The following SHC4 variants were observed in gnomAD, a reference collection of about 807,000 sequenced individuals.
SHC4 encodes SHC-transforming protein 4.
SHC4 carries 41 observed loss-of-function variants against 69.4 expected under a neutral mutation model. The observed-to-expected ratio is 0.59, with a 90% CI of 0.46 to 0.77. SHC4 has a LOEUF of 0.77. Ranked by LOEUF, SHC4 falls within the 30% of genes least tolerant of loss-of-function variation. The pLI is 0.00. For missense variants in SHC4, 777 were observed against 783.8 expected (o/e 0.99, Z 0.10); for synonymous variants, 318 against 299.3 (o/e 1.06, Z -0.64).
intron 3 of SHC4, 68 bp downstream of exon 3, chr15:48,890,680 C>T (rs1293532741): frequency 6.3e-7 from 1 of 1,582,290 alleles, no homozygotes; most frequent in Non-Finnish European, 8.7e-7. Context: ...GATGAACGAA[C>T]AGCGATTTTC....
rs35360931 is a variant in SHC4, at chr15:48,896,360, G to C, written c.657-5549C>G. Among the ~76,000 whole-genome samples, 566 of 143,258 alleles carry C rather than the reference G, an allele frequency of 4.0e-3. 10 individuals carry two copies. The highest frequency in any genetic ancestry group is 0.032 in the East Asian group (157 of 4,904). 94.0% of individuals were successfully genotyped at this position (143,258 alleles called of 152,430 possible). A position where few individuals can be genotyped will look rare whatever the true frequency, so the allele number is the denominator to read the frequency against. On this transcript the variant is annotated intron_variant, in intron 2 of 11. Transcript: ENST00000332408. ...TTTTGAGACGGAGTCTCACTCTGTC[G>C]GCCAGGCTGGAGTTCAATGGCATGA...
At chr15:48,829,964 T>C (rs1362483359) in intron 11 of SHC4, among the ~76,000 whole-genome samples, 1 of 152,172 alleles carries the variant, frequency 6.6e-6, no homozygotes, top group Non-Finnish European at 1.5e-5. Context: ...ATAGATAGCA[T>C]GTAGTTGGAG....
intron 4 of SHC4, among the ~76,000 whole-genome samples, chr15:48,881,084 G>A (rs991943939): frequency 4.6e-5 from 7 of 151,514 alleles, no homozygotes; most frequent in Non-Finnish European, 2.9e-5. Context: ...CAAGGTAGGG[G>A]ATTTAAAGAA....
In SHC4 at chr15:48,907,814, ATGTG is replaced by A. The variant is rs60841488; in HGVS notation, c.657-17007_657-17004del. Among the ~76,000 whole-genome samples, 344 of 145,058 alleles carry A rather than the reference ATGTG, an allele frequency of 2.4e-3. 1 individual carries two copies. The highest frequency in any genetic ancestry group is 4.8e-3 in the Admixed American group (69 of 14,384). The stretch of plus-strand genomic sequence containing the variant: ...CGGTCATAAAAAGGAATGAATGAAT[ATGTG>A]TGTGTGTGTGTGTGTGTGTGTGTAT... On this transcript the variant is annotated intron_variant, in intron 2 of 11. Transcript: ENST00000332408.
intron 9 of SHC4, among the ~76,000 whole-genome samples, chr15:48,844,403 T>A (rs12902820): frequency 0.046 from 7,015 of 152,264 alleles, 244 homozygotes; most frequent in Non-Finnish European, 0.067. Flanking sequence ...CCCTTCTTCC[T>A]CTCTCCTCCC....
chr15:48,886,349 C>T lies in SHC4; in HGVS notation c.721-1982G>A, dbSNP rs16961804. ...TTTTGTTATCTGTAAAGAACTTTTACGTAAATCATCTTAATTTTGTTCTCA... is the reference window on the plus strand; with the variant it reads ...TTTTGTTATCTGTAAAGAACTTTTATGTAAATCATCTTAATTTTGTTCTCA... On this transcript the variant is annotated intron_variant, in intron 3 of 11. Transcript: ENST00000332408. Among the ~76,000 whole-genome samples, 1,312 of 152,216 alleles carry T rather than the reference C, an allele frequency of 8.6e-3. 23 individuals carry two copies. Among genetic ancestry groups the T allele is most frequent in the African/African-American group, 0.03 (1,250 of 41,528 alleles).
chr15:48,841,173 C>T (rs1898982249), intron 10 of SHC4, among the ~76,000 whole-genome samples: 1 of 152,224 alleles, frequency 6.6e-6, no homozygotes, highest in South Asian at 2.1e-4. Context: ...CTAATTTGGG[C>T]CACCCACTAA....
At chr15:48,917,116 G>C (rs1304069311) in intron 2 of SHC4, among the ~76,000 whole-genome samples, 1 of 152,092 alleles carries the variant, frequency 6.6e-6, no homozygotes, top group Non-Finnish European at 1.5e-5. Flanking sequence ...TTTGATGCAG[G>C]TTCCCACCTA....
At chr15:48,956,086 C>A (rs1281775210) in intron 1 of SHC4, among the ~76,000 whole-genome samples, 1 of 152,168 alleles carries the variant, frequency 6.6e-6, no homozygotes, top group African/African-American at 2.4e-5. Flanking sequence ...ACCTGCCAGG[C>A]TTTCTCTAAG....
chr15:48,878,545 A>C (rs538774168), intron 4 of SHC4: 1 of 1,614,094 alleles, frequency 6.2e-7, no homozygotes, highest in Admixed American at 1.7e-5. Flanking sequence ...CCGGCTACAG[A>C]GTATCAGCCG....
intron 2 of SHC4, among the ~76,000 whole-genome samples, chr15:48,896,396 C>G (rs936340975): frequency 1.3e-5 from 2 of 151,514 alleles, no homozygotes; most frequent in African/African-American, 4.9e-5. Flanking sequence ...TCTCAGCTCA[C>G]TGCAACCTCC....
chr15:48,873,901 A>G (rs1899744489), intron 4 of SHC4, among the ~76,000 whole-genome samples: 1 of 152,236 alleles, frequency 6.6e-6, no homozygotes, highest in Admixed American at 6.5e-5. Context: ...AGAAAGATAT[A>G]TATCACTCTC....
At chr15:48,865,783 A>T (rs1899548013) in intron 6 of SHC4, among the ~76,000 whole-genome samples, 1 of 152,154 alleles carries the variant, frequency 6.6e-6, no homozygotes, top group Non-Finnish European at 1.5e-5. Flanking sequence ...TGCCTTCTCA[A>T]AATCCCCAAG....
chr15:48,892,863 C>CAAA (rs11391011), intron 2 of SHC4, among the ~76,000 whole-genome samples: 7 of 72,842 alleles, frequency 9.6e-5, no homozygotes, highest in East Asian at 3.5e-4. Context: ...AACTCCGTCT[C>CAAA]AAAAAAAAAA....
intron 11 of SHC4, among the ~76,000 whole-genome samples, chr15:48,828,068 C>T (rs1898721638): frequency 6.6e-6 from 1 of 150,892 alleles, no homozygotes; most frequent in South Asian, 2.1e-4. Flanking sequence ...AAACATATAA[C>T]ATGAGATCTG....
intron 2 of SHC4, among the ~76,000 whole-genome samples, chr15:48,910,228 C>A (rs1900483760): frequency 6.6e-6 from 1 of 152,132 alleles, no homozygotes; most frequent in East Asian, 1.9e-4. Flanking sequence ...GTTACCATTT[C>A]AATCTCGCTG....
chr15:48,830,821 A>C (rs1035690006), intron 11 of SHC4, among the ~76,000 whole-genome samples: 1 of 152,210 alleles, frequency 6.6e-6, no homozygotes, highest in African/African-American at 2.4e-5. Flanking sequence ...ATATTTCTGA[A>C]AATAGTGACA....
chr15:48,843,688 G>T, intron 9 of SHC4, 100 bp from the exon 10 acceptor site: 1 of 1,145,522 alleles, frequency 8.7e-7, no homozygotes, highest in Non-Finnish European at 1.2e-6. Context: ...TAAAGGCCAT[G>T]CCCCACCCTA....
chr15:48,956,110 T>C (rs1326762461), intron 1 of SHC4, among the ~76,000 whole-genome samples: 1 of 152,184 alleles, frequency 6.6e-6, no homozygotes, highest in Non-Finnish European at 1.5e-5. Context: ...CAGCAGAATC[T>C]ACTTCCACGT....
Sources: gnomAD v4.1 joint callset for allele counts (sites outside exome capture counted in the v4.1 genomes callset) on GRCh38, gnomAD v4.1.1 for gene constraint, MANE v1.5 for transcripts, NCBI Gene and HGNC (gene_info 2026-07-23, HGNC 2026-07-21) for gene names.